ZC3H4: variants seen among roughly 807,000 people sequenced by gnomAD.
ZC3H4 encodes the protein zinc finger CCCH domain-containing protein 4.
A neutral mutation model predicts 108.3 loss-of-function variants in ZC3H4; 13 were observed. The observed-to-expected ratio is 0.12, with a 90% CI of 0.08 to 0.19. The LOEUF (loss-of-function observed/expected upper bound fraction) is 0.19. Ranked by LOEUF, ZC3H4 falls within the 10% of genes least tolerant of loss-of-function variation. ZC3H4 has a pLI of 1.00. For missense variants in ZC3H4, 1,734 were observed against 1,838.8 expected (o/e 0.94, Z 1.04); for synonymous variants, 917 against 749.6 (o/e 1.22, Z -3.65).
intron 2 of ZC3H4, among the ~76,000 whole-genome samples, chr19:47,101,691 A>C (rs2057905809): frequency 6.6e-6 from 1 of 151,806 alleles, no homozygotes; most frequent in Non-Finnish European, 1.5e-5. Flanking sequence ...ACCAACGTGG[A>C]GAAACCCCAT....
At chr19:47,080,594 C>T (rs1427857541) in intron 11 of ZC3H4, among the ~76,000 whole-genome samples, 1 of 152,038 alleles carries the variant, frequency 6.6e-6, no homozygotes, top group Non-Finnish European at 1.5e-5. Flanking sequence ...CTCCTGGACT[C>T]AACAGATCCT....
At position 47,086,537 on chromosome 19, in the gene ZC3H4, G is replaced by T. The variant is rs781018658; in HGVS notation, c.717C>A (p.Gly239=). ...TGTAGCCCCGGCCCCGGCCTCGGCT[G>T]CCTGCATGGAGATTCAGATAGTGAG... is the stretch of plus-strand genomic sequence containing the variant. The part of the protein sequence containing the change: ...RAKEGSSRGR[G]SRGRGRGYRG... Residue 239 remains glycine, a splice_region_variant and synonymous_variant, in exon 6 of 15, where the codon GGC becomes GGA. Coordinates refer to ENST00000253048, the MANE Select transcript of ZC3H4 (RefSeq NM_015168.2). 29 of 1,584,242 alleles carry T rather than the reference G, an allele frequency of 1.8e-5. No individual in the cohort carries two copies. In the South Asian group the frequency reaches 3.0e-4, roughly 17 times the overall value.
Position 47,072,334 on chromosome 19 carries a change from G to C in ZC3H4, c.1802+18C>G, listed in dbSNP as rs755776152. 1 of 1,610,420 alleles carries C rather than the reference G, an allele frequency of 6.2e-7. No individual in the cohort carries two copies. Among genetic ancestry groups the C allele is most frequent in the Non-Finnish European group, 8.5e-7 (1 of 1,178,684 alleles). On this transcript the variant is annotated intron_variant, in intron 12 of 14. Coordinates refer to ENST00000253048, the MANE Select transcript of ZC3H4 (RefSeq NM_015168.2). The surrounding 1 kb of genome is among the most constrained non-coding windows in gnomAD (Gnocchi z 5.6). ...AGGACAGCGCCCACTGCCTGTCACG[G>C]GGGTCCAGGGCACTCACCTCACACC...
chr19:47,110,705 T>G (rs1361106734), intron 2 of ZC3H4, among the ~76,000 whole-genome samples: 1 of 152,188 alleles, frequency 6.6e-6, no homozygotes, highest in Non-Finnish European at 1.5e-5. Flanking sequence ...GAATAAAGCG[T>G]GTAAGCACCT....
In ZC3H4 at chr19:47,069,361, C is replaced by G. The variant is rs767466113; in HGVS notation, c.2147-18G>C. 2 of 1,608,144 alleles carry G rather than the reference C, an allele frequency of 1.2e-6. No homozygotes were observed. The highest frequency in any genetic ancestry group is 2.2e-5 in the South Asian group (2 of 90,266). On this transcript the variant is annotated intron_variant, in intron 13 of 14. Transcript: ENST00000253048. ...GTAGTCCTCTGTGGCAGGGAAGAAC[C>G]GAGGGTTCATGTCGGGAAGGGCCTC...
At chr19:47,086,647 C>T in intron 5 of ZC3H4, 109 bp from the exon 6 acceptor site, 1 of 1,424,738 alleles carries the variant, frequency 7.0e-7, no homozygotes, top group Non-Finnish European at 9.1e-7. Context: ...CTGCCTCCTC[C>T]TCCTTCTCCT....
intron 3 of ZC3H4, 88 bp from the exon 4 acceptor site, chr19:47,094,168 G>T: frequency 7.4e-7 from 1 of 1,348,266 alleles, no homozygotes; most frequent in Non-Finnish European, 1.1e-6. Flanking sequence ...ATGCTGGCAT[G>T]TGCCGCAGGG....
intron 2 of ZC3H4, among the ~76,000 whole-genome samples, chr19:47,103,780 A>AC: frequency 6.6e-6 from 1 of 151,084 alleles, no homozygotes; most frequent in East Asian, 1.9e-4. Flanking sequence ...AAAAAAAAAA[A>AC]AAACTACAAA....
intron 2 of ZC3H4, among the ~76,000 whole-genome samples, chr19:47,097,405 G>A (rs2057839905): frequency 6.6e-6 from 1 of 152,204 alleles, no homozygotes; most frequent in African/African-American, 2.4e-5. Context: ...CTCTGGCCAT[G>A]TCAGGCCCTC....
At chr19:47,074,801 G>A (rs534347544) in intron 11 of ZC3H4, among the ~76,000 whole-genome samples, 6 of 152,314 alleles carry the variant, frequency 3.9e-5, no homozygotes, top group South Asian at 2.1e-4. Context: ...GGAGGGCAGC[G>A]TGGCCCCTGC....
chr19:47,107,757 G>A (rs747796831), intron 2 of ZC3H4, among the ~76,000 whole-genome samples: 3 of 151,812 alleles, frequency 2.0e-5, no homozygotes, highest in Non-Finnish European at 2.9e-5. Context: ...TCACCCCAAT[G>A]GGTGATGTGC....
intron 2 of ZC3H4, chr19:47,112,010 C>A (rs903809400): frequency 1.8e-6 from 1 of 558,910 alleles, no homozygotes; most frequent in Admixed American, 6.3e-5. Flanking sequence ...AGCCAGGCGA[C>A]GGGCAAGCGG....
At chr19:47,082,698 G>A (rs566665793) in intron 9 of ZC3H4, among the ~76,000 whole-genome samples, 2 of 152,244 alleles carry the variant, frequency 1.3e-5, no homozygotes, top group East Asian at 1.9e-4. Flanking sequence ...AGCAACCACC[G>A]TGTAACCATG....
In ZC3H4 at chr19:47,066,707, C is replaced by G. The variant is rs774275330; in HGVS notation, c.3561G>C (p.Glu1187Asp). ...GGGCAGACTTGCGGACGAACGGGGG[C>G]TCCTTAGCCTTGGAGGCCGAGCTCT... Reference protein sequence around the residue: ...NGKSSASKAKEPPFVRKSALE... With the variant: ...NGKSSASKAKDPPFVRKSALE... Residue 1187 changes from glutamate (E) to aspartate (D), a missense_variant, in exon 15 of 15, where the codon GAG becomes GAC. By Grantham distance (45) the Glu-to-Asp change is conservative. This residue lies in a region of ZC3H4 where 518 missense variants were observed against 499.6 expected (regional missense o/e 1.04). Coordinates refer to ENST00000253048, the MANE Select transcript of ZC3H4 (RefSeq NM_015168.2). 6 of 1,608,992 alleles carry G rather than the reference C, an allele frequency of 3.7e-6. No homozygotes were observed. Among genetic ancestry groups the G allele is most frequent in the South Asian group, 2.2e-5 (2 of 90,346 alleles).
At chr19:47,095,175 G>C (rs1490670862) in intron 2 of ZC3H4, among the ~76,000 whole-genome samples, 1 of 152,374 alleles carries the variant, frequency 6.6e-6, no homozygotes. Context: ...CTGAGGCTGA[G>C]GGCGGTGGCT....
In ZC3H4 at chr19:47,066,696, A is replaced by G. The variant is rs1371628990; in HGVS notation, c.3572T>C (p.Val1191Ala). The G allele has an allele frequency of 3.7e-6, 6 of 1,609,940 alleles. No homozygotes were observed. Among genetic ancestry groups the G allele is most frequent in the Non-Finnish European group, 5.1e-6 (6 of 1,179,016 alleles). Residue 1191 changes from valine (V) to alanine (A), a missense_variant, in exon 15 of 15, where the codon GTC (valine) becomes GCC (alanine). Val to Ala is a moderately conservative substitution (Grantham distance 64). Around this residue, in one of 9 missense-constraint regions of ZC3H4, gnomAD observed 518 missense variants for 499.6 expected, o/e 1.04. Coordinates refer to ENST00000253048, the MANE Select transcript of ZC3H4 (RefSeq NM_015168.2). ...SASKAKEPPF[V>A]RKSALEQPET... is the part of the protein sequence containing the mutation. Reference sequence around the variant, plus strand: ...TGGCTGTTCCAGGGCAGACTTGCGGACGAACGGGGGCTCCTTAGCCTTGGA... The same window carrying G: ...TGGCTGTTCCAGGGCAGACTTGCGGGCGAACGGGGGCTCCTTAGCCTTGGA...
chr19:47,067,559 G>A lies in ZC3H4; in HGVS notation c.2709C>T (p.Gly903=), dbSNP rs1599955546. The A allele has an allele frequency of 5.0e-6, 8 of 1,602,342 alleles. No homozygotes were observed. Among genetic ancestry groups the A allele is most frequent in the Non-Finnish European group, 6.8e-6 (8 of 1,174,416 alleles). Residue 903 remains glycine, a synonymous_variant, in exon 15 of 15, where the codon GGC becomes GGT. Coordinates refer to ENST00000253048, the MANE Select transcript of ZC3H4 (RefSeq NM_015168.2). The surrounding 1 kb of genome is among the most constrained non-coding windows in gnomAD (Gnocchi z 6.4). ...ARALPTSKPE[G]SLHSSPVGPS... Reference sequence around the variant, plus strand: ...GGCCCACAGGGCTGGAATGAAGGCTGCCTTCGGGCTTGGAGGTGGGCAGGG... The same window carrying A: ...GGCCCACAGGGCTGGAATGAAGGCTACCTTCGGGCTTGGAGGTGGGCAGGG...
chr19:47,070,158 C>G (rs1452032934), intron 13 of ZC3H4, among the ~76,000 whole-genome samples: 1 of 152,036 alleles, frequency 6.6e-6, no homozygotes, highest in Non-Finnish European at 1.5e-5. Context: ...GGAGTCAGTG[C>G]TGCCCCACAG....
chr19:47,072,534 G>A lies in ZC3H4; in HGVS notation c.1620C>T (p.Gly540=), dbSNP rs1029234291. The A allele has an allele frequency of 9.6e-6, 6 of 624,456 alleles. No individual in the cohort carries two copies. The highest frequency in any genetic ancestry group is 4.0e-5 in the African/African-American group (2 of 49,436). 38.7% of individuals were successfully genotyped at this position (624,456 alleles called of 1,614,324 possible). A position where few individuals can be genotyped will look rare whatever the true frequency, so the allele number is the denominator to read the frequency against. Residue 540 remains glycine, a synonymous_variant, in exon 12 of 15, where the codon GGC becomes GGT. Transcript: ENST00000253048. This position sits in a 1 kb window ranked among gnomAD's most constrained non-coding sequence, Gnocchi z 5.6. Reference sequence around the variant, plus strand: ...GAGGGGGAGGGGGCGGGGGCGGGGGGCCACCCTGCATGGGCCTGCCGTTGG... The same window carrying A: ...GAGGGGGAGGGGGCGGGGGCGGGGGACCACCCTGCATGGGCCTGCCGTTGG... ...TSPNGRPMQG[G]PPPPPPPPPP...
Sources: gnomAD v4.1 joint callset for allele counts (sites outside exome capture counted in the v4.1 genomes callset) on GRCh38, gnomAD v4.1.1 for gene constraint, gnomAD v4.1.1 regional missense constraint, Gnocchi (gnomAD v3.1) non-coding constraint, MANE v1.5 for transcripts, NCBI Gene and HGNC (gene_info 2026-07-23, HGNC 2026-07-21) for gene names.